The following SOX6 variants were observed in gnomAD, a reference collection of about 807,000 sequenced individuals.
The protein encoded by SOX6 is SRY-box transcription factor 6.
A neutral mutation model predicts 97.8 loss-of-function variants in SOX6; 11 were observed. The observed-to-expected ratio is 0.11, with a 90% CI of 0.07 to 0.19. The LOEUF (loss-of-function observed/expected upper bound fraction) is 0.19, where lower values mean the gene tolerates loss of function less well. Among genes scored for constraint, SOX6 ranks in the 10% least tolerant of loss-of-function variants. The pLI is 1.00. For missense variants in SOX6, 810 were observed against 1,039.5 expected, an observed-to-expected ratio of 0.78 and a Z score of 3.04; for synonymous variants, 360 against 371.4, an observed-to-expected ratio of 0.97 and a Z score of 0.35.
intron 4 of SOX6, among the ~76,000 whole-genome samples, chr11:16,597,582 G>A (rs1848226777): frequency 6.6e-6 from 1 of 151,840 alleles, no homozygotes; most frequent in Non-Finnish European, 1.5e-5. Flanking sequence ...TTCAAATGAA[G>A]AAGAATGTTT....
intron 1 of SOX6, among the ~76,000 whole-genome samples, chr11:16,443,392 A>AGAAT: frequency 6.6e-6 from 1 of 152,202 alleles, no homozygotes; most frequent in Non-Finnish European, 1.5e-5. Flanking sequence ...GTGGATTGAA[A>AGAAT]GAATGAATGA....
At chr11:16,507,927 T>C (rs1359073462) in intron 4 of SOX6, among the ~76,000 whole-genome samples, 7 of 151,746 alleles carry the variant, frequency 4.6e-5, no homozygotes, top group Admixed American at 4.6e-4. Flanking sequence ...AAGGAAACAA[T>C]GAACAGAGTG....
chr11:16,360,667 C>G (rs1056713541), upstream of SOX6, among the ~76,000 whole-genome samples: 1 of 152,072 alleles, frequency 6.6e-6, no homozygotes, highest in Non-Finnish European at 1.5e-5. Flanking sequence ...TATAGTAGGG[C>G]TTAATAAATA....
intron 6 of SOX6, among the ~76,000 whole-genome samples, chr11:16,149,146 A>G (rs554897467): frequency 1.3e-5 from 2 of 152,266 alleles, no homozygotes; most frequent in Non-Finnish European, 1.5e-5. Context: ...ATGAAACTCC[A>G]AATCATTTCA....
intron 3 of SOX6, among the ~76,000 whole-genome samples, chr11:16,680,393 C>G (rs184847823): frequency 2.6e-4 from 40 of 152,324 alleles, no homozygotes; most frequent in African/African-American, 9.6e-4. Context: ...AAATCCTCTA[C>G]AGACAAGCAA....
chr11:16,185,899 T>C (rs1311635703), intron 5 of SOX6, among the ~76,000 whole-genome samples: 2 of 152,082 alleles, frequency 1.3e-5, no homozygotes, highest in African/African-American at 4.8e-5. Flanking sequence ...CAACAGAGCA[T>C]ATATTGCTCT....
chr11:16,435,103 C>T (rs567966895), intron 1 of SOX6, among the ~76,000 whole-genome samples: 14 of 152,034 alleles, frequency 9.2e-5, no homozygotes, highest in African/African-American at 2.7e-4. Context: ...TTAATTCTTC[C>T]GAGTCTGATT....
intron 3 of SOX6, among the ~76,000 whole-genome samples, chr11:16,628,620 CAA>C (rs71455891): frequency 1.3e-4 from 13 of 103,088 alleles, no homozygotes; most frequent in East Asian, 2.7e-4. Context: ...GACTCCATCT[CAA>C]AAAAAAAAAA....
intron 3 of SOX6, among the ~76,000 whole-genome samples, chr11:16,268,875 G>A (rs1854159788): frequency 2.7e-5 from 4 of 150,478 alleles, no homozygotes; most frequent in Admixed American, 2.7e-4. Flanking sequence ...CTCTCAATTT[G>A]TAGGTTTTGT....
At chr11:16,612,870 C>T (rs1848416339) in intron 3 of SOX6, among the ~76,000 whole-genome samples, 2 of 152,078 alleles carry the variant, frequency 1.3e-5, no homozygotes, top group Admixed American at 1.3e-4. Context: ...TAAGAGAAAT[C>T]GCGCTTCCCT....
chr11:16,225,215 A>C (rs936925123), intron 4 of SOX6, among the ~76,000 whole-genome samples: 1 of 152,038 alleles, frequency 6.6e-6, no homozygotes. Flanking sequence ...CTAAAGAGAC[A>C]GCAAAAATCC....
chr11:16,261,410 T>TA (rs1322841264), intron 3 of SOX6, among the ~76,000 whole-genome samples: 2 of 152,172 alleles, frequency 1.3e-5, no homozygotes, highest in Admixed American at 1.3e-4. Context: ...TTTTCTGCCA[T>TA]AGACTTCAGT....
chr11:16,573,959 T>C (rs1382563449), intron 4 of SOX6, among the ~76,000 whole-genome samples: 3 of 152,152 alleles, frequency 2.0e-5, no homozygotes, highest in African/African-American at 7.2e-5. Context: ...AGAAAAATTA[T>C]AAGCTTTAGT....
intron 3 of SOX6, among the ~76,000 whole-genome samples, chr11:16,303,444 G>A (rs1334160154): frequency 2.0e-5 from 3 of 152,118 alleles, no homozygotes; most frequent in South Asian, 2.1e-4. Context: ...GGTTTTATCT[G>A]TGGATTCTCT....
At chr11:16,415,216 G>C (rs1565137702) in intron 1 of SOX6, among the ~76,000 whole-genome samples, 1 of 151,880 alleles carries the variant, frequency 6.6e-6, no homozygotes. Flanking sequence ...AAAATATCTA[G>C]GCCCCTACAA....
At chr11:16,630,501 T>A (rs1053550490) in intron 3 of SOX6, among the ~76,000 whole-genome samples, 3 of 152,116 alleles carry the variant, frequency 2.0e-5, no homozygotes, top group Non-Finnish European at 2.9e-5. Context: ...ACTTGCTTTA[T>A]GGTCAAGCAT....
chr11:16,313,906 A>C (rs574910649), intron 3 of SOX6: 3 of 151,626 alleles, frequency 2.0e-5, no homozygotes, highest in East Asian at 3.9e-4. Context: ...TAACAATTCT[A>C]TCTCTTAATA....
chr11:16,514,200 C>T lies in SOX6; in HGVS notation n.610-37812G>A, dbSNP rs550059350. 6.3e-3 allele frequency among the ~76,000 whole-genome samples: 883 copies of T among 141,218 alleles called. 2 individuals carry two copies. The highest frequency in any genetic ancestry group is 9.8e-3 in the Non-Finnish European group (653 of 66,336). The allele number at this position is 141,218 out of a possible 152,430, so 92.6% of individuals were successfully genotyped here. Reference sequence around the variant, plus strand: ...CACTGCCCTCCAGCCTGGGCAACAGCGCAAGTCCCTGGCTCAAAAAAAAAA... The same window carrying T: ...CACTGCCCTCCAGCCTGGGCAACAGTGCAAGTCCCTGGCTCAAAAAAAAAA... On this transcript the variant is annotated intron_variant and non_coding_transcript_variant, in intron 4 of 5. Coordinates refer to the SOX6 transcript ENST00000524520.
intron 4 of SOX6, among the ~76,000 whole-genome samples, chr11:16,522,605 G>C (rs1224163698): frequency 6.6e-6 from 1 of 151,642 alleles, no homozygotes; most frequent in Non-Finnish European, 1.5e-5. Flanking sequence ...ACATCATAAT[G>C]ACACGATCAA....
Sources: gnomAD v4.1 joint callset for allele counts (sites outside exome capture counted in the v4.1 genomes callset) on GRCh38, gnomAD v4.1.1 for gene constraint, MANE v1.5 for transcripts, NCBI Gene and HGNC (gene_info 2026-07-23, HGNC 2026-07-21) for gene names.